The following ACCS variants were observed in gnomAD, a reference collection of about 807,000 sequenced individuals.
ACCS encodes the protein 1-aminocyclopropane-1-carboxylate synthase-like protein 1.
In ACCS, 42 loss-of-function variants were observed where a neutral mutation model predicts 59.8. The ratio of observed to expected loss-of-function variants is 0.70; its 90% CI spans 0.55 to 0.91. The LOEUF is 0.91. Ranked by LOEUF, ACCS falls within the 40% of genes least tolerant of loss-of-function variation. ACCS has a pLI of 0.00. For missense variants in ACCS, 602 were observed against 630.4 expected (o/e 0.95, Z 0.48); for synonymous variants, 230 against 240.3 (o/e 0.96, Z 0.40).
At chr11:44,079,821 C>T (rs1953556147) in intron 10 of ACCS, among the ~76,000 whole-genome samples, 1 of 152,206 alleles carries the variant, frequency 6.6e-6, no homozygotes, top group Non-Finnish European at 1.5e-5. Flanking sequence ...TGTGGAATTT[C>T]TGAGAACTCC....
chr11:44,075,503 T>A (rs1338445597), intron 5 of ACCS, 23 bp from the exon 6 acceptor site: 1 of 1,612,874 alleles, frequency 6.2e-7, no homozygotes. Context: ...TTCATCTTCA[T>A]CCCTTGGATA....
Position 44,083,297 on chromosome 11 carries a change from G to A in ACCS, c.1240G>A (p.Val414Ile). The change falls in exon 13 of 15, where the codon GTT (valine) becomes ATT (isoleucine). Residue 414 changes from valine to isoleucine, a missense_variant. By Grantham distance (29) the Val-to-Ile change is conservative (BLOSUM62 3). Coordinates refer to ENST00000263776, the MANE Select transcript of ACCS (RefSeq NM_032592.4). Reference sequence around the variant, plus strand: ...TCGTGGGGCTGGCTTCTTCATCTGGGTTGACTTGAGAAAGGTAATGCTGGT... The same window carrying A: ...TCGTGGGGCTGGCTTCTTCATCTGGATTGACTTGAGAAAGGTAATGCTGGT... Reference protein sequence around the residue: ...LSRGAGFFIWVDLRKYLPKGT... With the variant: ...LSRGAGFFIWIDLRKYLPKGT... 6.2e-7 allele frequency: 1 copy of A among 1,614,162 alleles called. No individual in the cohort carries two copies. The highest frequency in any genetic ancestry group is 8.5e-7 in the Non-Finnish European group (1 of 1,180,018).
chr11:44,083,440 C>T lies in ACCS; in HGVS notation c.1271C>T (p.Thr424Ile). 1.2e-6 allele frequency: 2 copies of T among 1,614,190 alleles called. No individual in the cohort carries two copies. The highest frequency in any genetic ancestry group is 1.7e-6 in the Non-Finnish European group (2 of 1,180,032). Residue 424 changes from threonine (T) to isoleucine (I), a missense_variant, in exon 14 of 15, where the codon ACC becomes ATC. Thr to Ile is a moderately conservative substitution (Grantham distance 89). Coordinates refer to ENST00000263776, the MANE Select transcript of ACCS (RefSeq NM_032592.4). ...VDLRKYLPKG[T>I]FEEEMLLWRR... ...CCCTCTCAGTACCTGCCCAAGGGCA[C>T]CTTTGAGGAGGAAATGCTGCTCTGG...
At chr11:44,079,672 C>G in intron 10 of ACCS, 52 bp downstream of exon 10, 6 of 1,529,852 alleles carry the variant, frequency 3.9e-6, no homozygotes, top group South Asian at 1.2e-5. Context: ...TCCCACGGAG[C>G]CCTGGCCACT....
At chr11:44,079,266 G>T (rs983777209) in intron 9 of ACCS, 2 of 471,218 alleles carry the variant, frequency 4.2e-6, no homozygotes, top group African/African-American at 2.0e-5. Context: ...GAGCCCTTGT[G>T]CATGACCTTG....
intron 2 of ACCS, among the ~76,000 whole-genome samples, chr11:44,069,203 A>G (rs1473037804): frequency 6.6e-6 from 1 of 152,052 alleles, no homozygotes; most frequent in Non-Finnish European, 1.5e-5. Flanking sequence ...CCTCAGGCTC[A>G]AGATCTTTTT....
rs1391693018 is a variant in ACCS, at chr11:44,067,839, A to G, written c.212A>G (p.Lys71Arg). 1.2e-6 allele frequency: 2 copies of G among 1,614,066 alleles called. No homozygotes were observed. Among genetic ancestry groups the G allele is most frequent in the Non-Finnish European group, 1.7e-6 (2 of 1,179,978 alleles). ...SYLSSRGRMI[K>R]WFWDSAEEGY... ...CTGTCCTCTAGAGGAAGAATGATTAAATGGTTCTGGGATTCAGCTGAGGAG... is the reference window on the plus strand; with the variant it reads ...CTGTCCTCTAGAGGAAGAATGATTAGATGGTTCTGGGATTCAGCTGAGGAG... Residue 71 changes from lysine to arginine, a missense_variant, in exon 2 of 15, where the codon AAA becomes AGA. By Grantham distance (26) the Lys-to-Arg change is conservative. Transcript: ENST00000263776.
intron 14 of ACCS, 35 bp downstream of exon 14, chr11:44,083,612 G>T: frequency 6.2e-7 from 1 of 1,614,106 alleles, no homozygotes; most frequent in Non-Finnish European, 8.5e-7. Flanking sequence ...AGTCCTAACT[G>T]CAGCCTTCAC....
chr11:44,078,919 G>A (rs1412718479), intron 9 of ACCS, 135 bp downstream of exon 9: 2 of 675,550 alleles, frequency 3.0e-6, no homozygotes, highest in Non-Finnish European at 5.1e-6. Context: ...TGGCAGTGGA[G>A]CGGGGAAGCA....
Position 44,083,478 on chromosome 11 carries a change from GACA to G in ACCS, c.1314_1316del (p.Asn438del), listed in dbSNP as rs780954149. The G allele has an allele frequency of 4.3e-6, 7 of 1,614,076 alleles. No individual in the cohort carries two copies. The African/African-American group carries it at 8.0e-5, about 18-fold the overall frequency. On this transcript the variant is annotated inframe_deletion, in exon 14 of 15. Transcript: ENST00000263776. ...AATGCTGCTCTGGCGCCGCTTTTTG[GACA>G]ACAAGGTGCTGCTGTCCTTTGGCAA...
intron 6 of ACCS, among the ~76,000 whole-genome samples, chr11:44,076,936 A>AC (rs1449677255): frequency 2.6e-5 from 4 of 152,090 alleles, no homozygotes; most frequent in Non-Finnish European, 5.9e-5. Flanking sequence ...CCTCTGTAAA[A>AC]CCATCAGATC....
rs1278203133 is a variant in ACCS at position 44,078,674 on chromosome 11, A to G, written c.733-10A>G. On this transcript the variant is annotated splice_polypyrimidine_tract_variant and intron_variant, in intron 8 of 14. Coordinates refer to ENST00000263776, the MANE Select transcript of ACCS (RefSeq NM_032592.4). ...AGCTGAGGGTCTCCTGCCCTAACGG[A>G]TGGTTTCAGGGTGTGAAGGTCAAAG... The G allele has an allele frequency of 1.2e-6, 2 of 1,613,530 alleles. No homozygotes were observed. The highest frequency in any genetic ancestry group is 2.2e-5 in the South Asian group (2 of 91,036).
At position 44,079,599 on chromosome 11, in the gene ACCS, G is replaced by T; in HGVS notation, c.902G>T (p.Arg301Leu). ...GTGTTTGAGAAGTCTGTTGGGTACC[G>T]CAGTGTCCTAAGCCTGGAAAGGTGA... ...LSVFEKSVGY[R>L]SVLSLERLPD... Residue 301 changes from arginine to leucine, a missense_variant, in exon 10 of 15, where the codon CGC becomes CTC. Physicochemically the swap from Arg to Leu is moderately radical, Grantham distance 102 (BLOSUM62 -2). Coordinates refer to ENST00000263776, the MANE Select transcript of ACCS (RefSeq NM_032592.4). 1 of 1,610,602 alleles carries T rather than the reference G, an allele frequency of 6.2e-7. No homozygotes were observed. Among genetic ancestry groups the T allele is most frequent in the South Asian group, 1.1e-5 (1 of 89,956 alleles).
intron 6 of ACCS, 97 bp downstream of exon 6, chr11:44,075,689 G>T (rs754758487): frequency 3.5e-5 from 49 of 1,418,010 alleles, no homozygotes; most frequent in Non-Finnish European, 4.6e-5. Context: ...GTATGCTTTC[G>T]GGCACAATAG....
chr11:44,077,590 AG>A, intron 7 of ACCS: 1 of 1,436,732 alleles, frequency 7.0e-7, no homozygotes, highest in Non-Finnish European at 9.1e-7. Context: ...AGAAGCCAAG[AG>A]CCAGACCCAG....
rs1953759073 is a variant in ACCS, at chr11:44,084,034, G to T, written c.*242G>T. 1.8e-5 allele frequency: 13 copies of T among 727,814 alleles called. No homozygotes were observed. Among genetic ancestry groups the T allele is most frequent in the Non-Finnish European group, 2.7e-5 (13 of 484,800 alleles). The allele number at this position is 727,814 out of a possible 1,614,324, so 45.1% of individuals were successfully genotyped here. ...CTAGGAGAGTCCATATGTCTCCATT[G>T]TGAGTTATTTAGAATGGAGGAGTCG... On this transcript the variant is annotated 3_prime_UTR_variant, in exon 15 of 15. Coordinates refer to ENST00000263776, the MANE Select transcript of ACCS (RefSeq NM_032592.4).
chr11:44,067,778 G>T lies in ACCS; in HGVS notation c.151G>T (p.Gly51Cys), dbSNP rs761684714. ...DQKLPELRGV[G>C]DPAMISSDTS... ...GAAGCTGCCAGAGCTCCGTGGAGTG[G>T]GTGATCCTGCCATGATCTCCTCTGA... The change falls in exon 2 of 15, where the codon GGT becomes TGT. Residue 51 changes from glycine (G) to cysteine (C), a missense_variant. Physicochemically the swap from Gly to Cys is radical, Grantham distance 159 (BLOSUM62 -3). Coordinates refer to ENST00000263776, the MANE Select transcript of ACCS (RefSeq NM_032592.4). 1 of 1,614,062 alleles carries T rather than the reference G, an allele frequency of 6.2e-7. No homozygotes were observed. Among genetic ancestry groups the T allele is most frequent in the African/African-American group, 1.3e-5 (1 of 74,914 alleles).
chr11:44,071,906 AATTT>A (rs909113600), intron 3 of ACCS, among the ~76,000 whole-genome samples: 2 of 152,172 alleles, frequency 1.3e-5, no homozygotes, highest in Admixed American at 6.5e-5. Context: ...AGTTTATATT[AATTT>A]GCTTTTTAAA....
intron 1 of ACCS, chr11:44,067,345 T>G: frequency 6.1e-6 from 2 of 326,640 alleles, no homozygotes; most frequent in Non-Finnish European, 1.1e-5. Flanking sequence ...GGCTGGAGAG[T>G]GAAAAACTTT....
Sources: gnomAD v4.1 joint callset for allele counts (sites outside exome capture counted in the v4.1 genomes callset) on GRCh38, gnomAD v4.1.1 for gene constraint, MANE v1.5 for transcripts, NCBI Gene and HGNC (gene_info 2026-07-23, HGNC 2026-07-21) for gene names.